KHDRBS2: variants seen among roughly 807,000 people sequenced by gnomAD.
KHDRBS2 encodes the protein KH RNA binding domain containing, signal transduction associated 2.
KHDRBS2 carries 26 observed loss-of-function variants against 44.3 expected under a neutral mutation model. The observed-to-expected ratio is 0.59, with a 90% confidence interval of 0.43 to 0.81. KHDRBS2 has a LOEUF of 0.81. KHDRBS2 is among the 40% of genes least tolerant of loss of function. The pLI is 0.00. For missense variants in KHDRBS2, 476 were observed against 433.1 expected, an observed-to-expected ratio of 1.10 and a Z score of -0.88; for synonymous variants, 194 against 151.1, an observed-to-expected ratio of 1.28 and a Z score of -2.08.
chr6:61,808,235 G>T (rs1787485163), intron 6 of KHDRBS2, among the ~76,000 whole-genome samples: 1 of 151,992 alleles, frequency 6.6e-6, no homozygotes, highest in Non-Finnish European at 1.5e-5. Context: ...TTTGAAAGTA[G>T]AATTCATTTT....
chr6:61,621,067 G>A, the KHDRBS2 span, among the ~76,000 whole-genome samples: 1 of 152,096 alleles, frequency 6.6e-6, no homozygotes, highest in Non-Finnish European at 1.5e-5. Flanking sequence ...GAAGCAGTTC[G>A]AGAAAGGATG....
rs114198982 is a variant in KHDRBS2 at position 62,158,624 on chromosome 6, G to A, written c.219+18561C>T. The stretch of plus-strand genomic sequence containing the variant: ...GAGAAACTTTACAGGCAAGGAAAGA[G>A]GCCAGACATAAAAATTACCATGTTA... On this transcript the variant is annotated intron_variant, in intron 2 of 8. Transcript: ENST00000281156. 7.3e-3 allele frequency among the ~76,000 whole-genome samples: 1,106 copies of A among 152,078 alleles called. 15 individuals carry two copies. The highest frequency in any genetic ancestry group is 0.026 in the African/African-American group (1,070 of 41,506).
intron 1 of KHDRBS2, among the ~76,000 whole-genome samples, chr6:62,245,875 C>T (rs1240810341): frequency 6.6e-6 from 1 of 151,560 alleles, no homozygotes; most frequent in Non-Finnish European, 1.5e-5. Flanking sequence ...ATTTGCCATT[C>T]TATGTTTTCA....
At chr6:61,951,165 G>T (rs987971151) in intron 4 of KHDRBS2, among the ~76,000 whole-genome samples, 1 of 152,014 alleles carries the variant, frequency 6.6e-6, no homozygotes, top group East Asian at 1.9e-4. Context: ...TTTGTGTGAT[G>T]TCAATGAACC....
At chr6:61,757,794 C>T (rs1778714435) in intron 6 of KHDRBS2, among the ~76,000 whole-genome samples, 1 of 152,054 alleles carries the variant, frequency 6.6e-6, no homozygotes, top group Admixed American at 6.6e-5. Flanking sequence ...GTTTAGGGCT[C>T]ATTGTTTCTT....
intron 2 of KHDRBS2, among the ~76,000 whole-genome samples, chr6:62,158,674 T>C (rs1265662717): frequency 6.6e-6 from 1 of 152,078 alleles, no homozygotes; most frequent in Non-Finnish European, 1.5e-5. Flanking sequence ...TAAATTAAGG[T>C]TTCTCTTATT....
chr6:61,955,025 C>T (rs1316797990), intron 4 of KHDRBS2, among the ~76,000 whole-genome samples: 1 of 141,986 alleles, frequency 7.0e-6, no homozygotes, highest in Non-Finnish European at 1.5e-5. Flanking sequence ...TACACACATA[C>T]ATATATACAT....
At chr6:61,889,842 C>T (rs1160644237) in intron 6 of KHDRBS2, among the ~76,000 whole-genome samples, 1 of 152,172 alleles carries the variant, frequency 6.6e-6, no homozygotes, top group Non-Finnish European at 1.5e-5. Flanking sequence ...GTCCTCCTTG[C>T]TGATCCCCAA....
the KHDRBS2 span, among the ~76,000 whole-genome samples, chr6:61,590,729 G>A: frequency 6.6e-6 from 1 of 152,120 alleles, no homozygotes; most frequent in Non-Finnish European, 1.5e-5. Context: ...TTTTTATGAT[G>A]AGGGGACTGA....
chr6:61,850,036 A>G (rs1259473196), intron 6 of KHDRBS2, among the ~76,000 whole-genome samples: 1 of 152,174 alleles, frequency 6.6e-6, no homozygotes, highest in Non-Finnish European at 1.5e-5. Flanking sequence ...AGCTCCTCAG[A>G]GTAGCAAATT....
intron 4 of KHDRBS2, among the ~76,000 whole-genome samples, chr6:61,922,361 G>A (rs1402554132): frequency 1.3e-5 from 2 of 152,064 alleles, no homozygotes; most frequent in Non-Finnish European, 2.9e-5. Flanking sequence ...AATCTAGGTA[G>A]AGTCCAGCAA....
At chr6:62,006,209 A>C (rs1251029674) in intron 3 of KHDRBS2, among the ~76,000 whole-genome samples, 2 of 152,046 alleles carry the variant, frequency 1.3e-5, no homozygotes, top group Non-Finnish European at 2.9e-5. Flanking sequence ...TGGACTATGC[A>C]TGAACTACAG....
chr6:61,640,612 A>G, the KHDRBS2 span, among the ~76,000 whole-genome samples: 2 of 152,126 alleles, frequency 1.3e-5, no homozygotes, highest in Non-Finnish European at 2.9e-5. Context: ...TGGCTTAAGA[A>G]GGTTGGATTC....
At chr6:61,744,722 C>CT (rs1201610565) in intron 6 of KHDRBS2, among the ~76,000 whole-genome samples, 5 of 151,906 alleles carry the variant, frequency 3.3e-5, no homozygotes, top group Non-Finnish European at 4.4e-5. Flanking sequence ...ATCCTTTATC[C>CT]TTTTTTTTCT....
intron 2 of KHDRBS2, among the ~76,000 whole-genome samples, chr6:62,132,557 C>T (rs980033884): frequency 2.0e-5 from 3 of 152,162 alleles, no homozygotes; most frequent in African/African-American, 7.2e-5. Flanking sequence ...CACCTGCAAG[C>T]AGCTACCATG....
At chr6:62,068,360 AT>A (rs938673963) in intron 2 of KHDRBS2, among the ~76,000 whole-genome samples, 100 of 150,238 alleles carry the variant, frequency 6.7e-4, no homozygotes, top group African/African-American at 2.3e-3. Context: ...TCCAGTTTTA[AT>A]TTTTTTTTCT....
At chr6:62,139,605 AAAT>A (rs1258605358) in intron 2 of KHDRBS2, among the ~76,000 whole-genome samples, 1 of 152,124 alleles carries the variant, frequency 6.6e-6, no homozygotes. Context: ...GAGGAAATAC[AAAT>A]ATATCTTTTG....
chr6:61,891,180 C>A (rs1051385841), intron 6 of KHDRBS2, among the ~76,000 whole-genome samples: 1 of 152,044 alleles, frequency 6.6e-6, no homozygotes, highest in African/African-American at 2.4e-5. Flanking sequence ...TTGAATGAAA[C>A]AAATACCTAG....
chr6:62,137,260 C>T (rs561333711), intron 2 of KHDRBS2, among the ~76,000 whole-genome samples: 1 of 152,110 alleles, frequency 6.6e-6, no homozygotes, highest in Non-Finnish European at 1.5e-5. Context: ...CTTGGCCTCC[C>T]AAAGTGCTGG....
Sources: gnomAD v4.1 joint callset for allele counts (sites outside exome capture counted in the v4.1 genomes callset) on GRCh38, gnomAD v4.1.1 for gene constraint, MANE v1.5 for transcripts, NCBI Gene and HGNC (gene_info 2026-07-23, HGNC 2026-07-21) for gene names.